The following TNN variants were observed in gnomAD, a reference collection of about 807,000 sequenced individuals.
The protein encoded by TNN is tenascin-N.
A neutral mutation model predicts 134.4 loss-of-function variants in TNN; 122 were observed. The ratio of observed to expected loss-of-function variants is 0.91; its 90% CI spans 0.78 to 1.06. The LOEUF is 1.06. TNN is among the 50% of genes least tolerant of loss of function. The pLI is 0.00. For missense variants in TNN, 1,739 were observed against 1,699.4 expected, an observed-to-expected ratio of 1.02 and a Z score of -0.41; for synonymous variants, 710 against 670.3, an observed-to-expected ratio of 1.06 and a Z score of -0.91.
Position 175,098,465 on chromosome 1 carries a change from G to T in TNN, c.1989G>T (p.Glu663Asp). ...RYTSAGGETR[E>D]VPVGKEQSST... ...CCTCTGCTGGTGGAGAGACCAGGGA[G>T]GTTCCGGTGGGGAAGGAGCAGAGCA... Residue 663 changes from glutamate to aspartate, a missense_variant, in exon 9 of 19, where the codon GAG (glutamate) becomes GAT (aspartate). By Grantham distance (45) the Glu-to-Asp change is conservative. Transcript: ENST00000239462. 1 of 1,614,202 alleles carries T rather than the reference G, an allele frequency of 6.2e-7. No homozygotes were observed. Among genetic ancestry groups the T allele is most frequent in the Non-Finnish European group, 8.5e-7 (1 of 1,180,048 alleles).
At chr1:175,088,839 T>A (rs1029200907) in intron 6 of TNN, among the ~76,000 whole-genome samples, 2 of 152,190 alleles carry the variant, frequency 1.3e-5, no homozygotes. Context: ...ACAGCAATAA[T>A]GTGACGTATC....
chr1:175,106,623 G>T (rs7552526), intron 9 of TNN, among the ~76,000 whole-genome samples: 37,769 of 145,354 alleles, frequency 0.26, 8,196 homozygotes, highest in African/African-American at 0.31. Context: ...AGTTTGTCTG[G>T]CAGGCATTAG....
chr1:175,068,960 G>T (rs1261965828), intron 1 of TNN, among the ~76,000 whole-genome samples: 1 of 152,110 alleles, frequency 6.6e-6, no homozygotes, highest in African/African-American at 2.4e-5. Context: ...GTTTTTGGAG[G>T]TCTTACTTTT....
chr1:175,128,563 TC>T, intron 14 of TNN, 31 bp from the exon 15 acceptor site: 1 of 1,585,260 alleles, frequency 6.3e-7, no homozygotes, highest in Non-Finnish European at 8.6e-7. Flanking sequence ...CTTGCCCTTG[TC>T]CTAACAACAC....
At chr1:175,101,916 T>C (rs1674734133) in intron 9 of TNN, among the ~76,000 whole-genome samples, 1 of 132,694 alleles carries the variant, frequency 7.5e-6, no homozygotes, top group Non-Finnish European at 1.6e-5. Flanking sequence ...AGATACAGAG[T>C]GCCGATTGAT....
intron 6 of TNN, among the ~76,000 whole-genome samples, chr1:175,091,197 T>C (rs1674437261): frequency 6.6e-6 from 1 of 152,188 alleles, no homozygotes; most frequent in Admixed American, 6.5e-5. Context: ...GGGGGAATGG[T>C]CAAGGAGAGC....
intron 18 of TNN, among the ~76,000 whole-genome samples, 165 bp from the exon 19 acceptor site, chr1:175,146,766 G>T (rs1229609645): frequency 6.6e-6 from 1 of 151,920 alleles, no homozygotes; most frequent in Admixed American, 6.6e-5. Flanking sequence ...TCCGGATCCT[G>T]CCCTCCCCTC....
intron 3 of TNN, 84 bp downstream of exon 3, chr1:175,079,791 G>T: frequency 1.4e-6 from 2 of 1,469,138 alleles, no homozygotes; most frequent in East Asian, 2.4e-5. Flanking sequence ...TGTCATCTTT[G>T]GGGGTCTCTT....
chr1:175,089,208 A>G (rs1674385434), intron 6 of TNN, among the ~76,000 whole-genome samples: 1 of 152,244 alleles, frequency 6.6e-6, no homozygotes, highest in African/African-American at 2.4e-5. Context: ...AACGTTTTGC[A>G]TCCCACCAGG....
At chr1:175,123,258 C>T in intron 11 of TNN, 142 bp from the exon 12 acceptor site, 2 of 951,404 alleles carry the variant, frequency 2.1e-6, no homozygotes, top group Non-Finnish European at 3.2e-6. Context: ...GAAATGGAGA[C>T]CAGGGGCCTT....
rs375824533 is a variant in TNN at position 175,080,459 on chromosome 1, A to T, written c.1048+33A>T. The T allele has an allele frequency of 1.9e-6, 3 of 1,610,642 alleles. No homozygotes were observed. The African/African-American group carries it at 4.0e-5, about 22-fold the overall frequency. On this transcript the variant is annotated intron_variant, in intron 4 of 18. Coordinates refer to ENST00000239462, the MANE Select transcript of TNN (RefSeq NM_022093.2). ...AGCCACCTGATGCCCCAGGGTTCCC[A>T]GGAGAGGCCCCATTCTAAATGGTTT...
At chr1:175,139,946 A>G (rs1320401654) in intron 17 of TNN, among the ~76,000 whole-genome samples, 5 of 152,256 alleles carry the variant, frequency 3.3e-5, no homozygotes, top group African/African-American at 4.8e-5. Flanking sequence ...TAAAACATGA[A>G]AGTCAGATAT....
intron 15 of TNN, among the ~76,000 whole-genome samples, chr1:175,132,722 C>T (rs1458672343): frequency 6.6e-6 from 1 of 152,248 alleles, no homozygotes; most frequent in Admixed American, 6.5e-5. Context: ...CAGCAATCCC[C>T]ACCCATCCCC....
At chr1:175,125,197 C>G (rs1242613583) in intron 12 of TNN, among the ~76,000 whole-genome samples, 2 of 152,216 alleles carry the variant, frequency 1.3e-5, no homozygotes, top group African/African-American at 4.8e-5. Flanking sequence ...TAATTCAAAA[C>G]AACAGCTGTC....
intron 17 of TNN, among the ~76,000 whole-genome samples, chr1:175,137,875 G>T (rs1430148124): frequency 6.6e-6 from 1 of 152,208 alleles, no homozygotes; most frequent in African/African-American, 2.4e-5. Flanking sequence ...ATGTAAATAG[G>T]TGAATACAAA....
intron 6 of TNN, among the ~76,000 whole-genome samples, chr1:175,091,222 G>T (rs770724184): frequency 1.3e-5 from 2 of 152,238 alleles, no homozygotes; most frequent in African/African-American, 2.4e-5. Flanking sequence ...TCTGTGAAGA[G>T]CCCCTTCTGA....
intron 9 of TNN, among the ~76,000 whole-genome samples, chr1:175,110,588 T>C (rs1674993783): frequency 6.6e-6 from 1 of 152,264 alleles, no homozygotes; most frequent in South Asian, 2.1e-4. Context: ...TGCATATGGA[T>C]ATTCAATTTT....
At chr1:175,100,904 A>G (rs1474871986) in intron 9 of TNN, among the ~76,000 whole-genome samples, 3 of 152,222 alleles carry the variant, frequency 2.0e-5, no homozygotes, top group African/African-American at 2.4e-5. Context: ...ATACATATTT[A>G]TAGGTACATG....
intron 11 of TNN, among the ~76,000 whole-genome samples, chr1:175,121,676 T>C (rs1675380318): frequency 6.8e-6 from 1 of 147,836 alleles, no homozygotes; most frequent in African/African-American, 2.5e-5. Context: ...GAAGAGGGGA[T>C]GTCTGGAATA....
Sources: gnomAD v4.1 joint callset for allele counts (sites outside exome capture counted in the v4.1 genomes callset) on GRCh38, gnomAD v4.1.1 for gene constraint, MANE v1.5 for transcripts, NCBI Gene and HGNC (gene_info 2026-07-23, HGNC 2026-07-21) for gene names.